SPAG9: variants seen among roughly 807,000 people sequenced by gnomAD.
SPAG9 encodes C-Jun-amino-terminal kinase-interacting protein 4.
Under a neutral mutation model 166.5 loss-of-function variants are expected in SPAG9, and 35 were observed. The observed-to-expected ratio is 0.21, with a 90% CI of 0.16 to 0.28. The LOEUF (loss-of-function observed/expected upper bound fraction) is 0.28. Among genes scored for constraint, SPAG9 ranks in the 10% least tolerant of loss-of-function variants. The pLI is 1.00. For missense variants in SPAG9, 1,235 were observed against 1,603.3 expected (o/e 0.77, Z 3.92); for synonymous variants, 534 against 565.5 (o/e 0.94, Z 0.79).
At chr17:51,037,638 TAAATA>T (rs1297151165) in intron 5 of SPAG9, among the ~76,000 whole-genome samples, 3 of 139,560 alleles carry the variant, frequency 2.1e-5, no homozygotes, top group Non-Finnish European at 1.5e-5. Context: ...ATTATATATA[TAAATA>T]AAATAAGTAA....
intron 1 of SPAG9, among the ~76,000 whole-genome samples, chr17:51,105,827 G>A (rs998789163): frequency 1.3e-5 from 2 of 151,546 alleles, no homozygotes; most frequent in Admixed American, 6.6e-5. Context: ...CCGAGATTGC[G>A]CCACTGCACT....
chr17:50,969,375 T>C (rs1313241380), intron 29 of SPAG9, among the ~76,000 whole-genome samples: 1 of 152,156 alleles, frequency 6.6e-6, no homozygotes, highest in African/African-American at 2.4e-5. Context: ...CTGAGCTCTA[T>C]GGCCCATTCT....
chr17:51,053,854 A>T lies in SPAG9; in HGVS notation c.495+2558T>A, dbSNP rs1219731564. On this transcript the variant is annotated intron_variant, in intron 3 of 29. Transcript: ENST00000262013. ...CCCTAATTAAAAAAAAAAAAAAAAA[A>T]GTATATATATATATATATATATATA... is the stretch of plus-strand genomic sequence containing the variant. 2.1e-3 allele frequency among the ~76,000 whole-genome samples: 73 copies of T among 34,442 alleles called. 2 individuals are homozygous for T. The highest frequency in any genetic ancestry group is 2.9e-3 in the Admixed American group (6 of 2,100). 22.6% of individuals were successfully genotyped at this position (34,442 alleles called of 152,430 possible).
chr17:50,968,661 G>A (rs1022256814), intron 29 of SPAG9, among the ~76,000 whole-genome samples: 9 of 152,094 alleles, frequency 5.9e-5, no homozygotes, highest in Non-Finnish European at 1.2e-4. Flanking sequence ...AAACCGGGAG[G>A]TGGAGGTTGC....
At chr17:51,117,179 C>T (rs569959325) in intron 1 of SPAG9, among the ~76,000 whole-genome samples, 3 of 152,216 alleles carry the variant, frequency 2.0e-5, no homozygotes, top group South Asian at 2.1e-4. Flanking sequence ...AAAATATGTC[C>T]TATCAATATA....
intron 6 of SPAG9, among the ~76,000 whole-genome samples, chr17:51,022,767 G>A (rs1303049004): frequency 6.6e-6 from 1 of 151,410 alleles, no homozygotes; most frequent in Non-Finnish European, 1.5e-5. Context: ...TGACAAACAT[G>A]GAGAAACCCT....
chr17:50,995,164 C>A lies in SPAG9; in HGVS notation c.2119G>T (p.Val707Phe), dbSNP rs1455464469. The A allele has an allele frequency of 3.1e-6, 5 of 1,614,002 alleles. No individual in the cohort carries two copies. In the African/African-American group the frequency reaches 5.3e-5, roughly 17 times the overall value. The change falls in exon 18 of 30, where the codon GTT becomes TTT. Residue 707 changes from valine to phenylalanine, a missense_variant. By Grantham distance (50) the Val-to-Phe change is conservative (BLOSUM62 -1). Around this residue, in one of 6 missense-constraint regions of SPAG9, gnomAD observed 493 missense variants for 559.4 expected, o/e 0.88. Transcript: ENST00000262013. Reference protein sequence around the residue: ...GGKTRDGGSVVGASVFYKDVA... With the variant: ...GGKTRDGGSVFGASVFYKDVA... Reference sequence around the variant, plus strand: ...TCCTTGTAAAATACACTTGCTCCAACAACAGAACCACCATCTCTGGTCTTC... The same window carrying A: ...TCCTTGTAAAATACACTTGCTCCAAAAACAGAACCACCATCTCTGGTCTTC...
intron 3 of SPAG9, among the ~76,000 whole-genome samples, chr17:51,049,118 C>A (rs1365465578): frequency 6.6e-6 from 1 of 152,118 alleles, no homozygotes; most frequent in African/African-American, 2.4e-5. Flanking sequence ...GTGGCTCACG[C>A]CTGTAATCCC....
chr17:50,995,581 A>T, intron 16 of SPAG9, 48 bp from the exon 17 acceptor site: 1 of 1,119,712 alleles, frequency 8.9e-7, no homozygotes, highest in Non-Finnish European at 1.4e-6. Context: ...AGTAAGCCTC[A>T]TCAAAAGTGA....
At chr17:50,997,167 T>C (rs895868665) in intron 15 of SPAG9, among the ~76,000 whole-genome samples, 25 of 152,134 alleles carry the variant, frequency 1.6e-4, no homozygotes, top group Non-Finnish European at 2.9e-4. Context: ...AACAAAGTGT[T>C]ATACTAAAGC....
intron 6 of SPAG9, among the ~76,000 whole-genome samples, chr17:51,022,631 CTAATAATAATAA>C (rs57083539): frequency 2.0e-5 from 3 of 148,228 alleles, no homozygotes; most frequent in Middle Eastern, 3.5e-3. Context: ...GCCACCACCA[CTAATAATAATAA>C]TAATAATAAT....
rs1339340982 is a variant in SPAG9 at position 51,061,693 on chromosome 17, A to C, written c.425-5211T>G. 3.3e-5 allele frequency among the ~76,000 whole-genome samples: 5 copies of C among 151,142 alleles called. No individual in the cohort carries two copies. In the East Asian group the frequency reaches 9.7e-4, roughly 29 times the overall value. ...ATACCATTAATTTTGGGAGATTTCC[A>C]ATATTTATCTAAATGAATATGACCA... On this transcript the variant is annotated intron_variant, in intron 2 of 29. Transcript: ENST00000262013.
chr17:51,109,780 C>T (rs745349014), intron 1 of SPAG9, among the ~76,000 whole-genome samples: 2 of 152,044 alleles, frequency 1.3e-5, no homozygotes, highest in Non-Finnish European at 2.9e-5. Context: ...GGCATGAACA[C>T]ATCTTACCTC....
At chr17:51,066,753 A>G (rs1039700821) in intron 2 of SPAG9, among the ~76,000 whole-genome samples, 2 of 151,214 alleles carry the variant, frequency 1.3e-5, no homozygotes, top group Non-Finnish European at 3.0e-5. Context: ...TTAGCCAGGC[A>G]TGGTGGCACA....
intron 2 of SPAG9, among the ~76,000 whole-genome samples, chr17:51,077,081 T>TCTAG (rs1230111197): frequency 1.2e-4 from 13 of 109,678 alleles, no homozygotes; most frequent in African/African-American, 5.4e-4. Flanking sequence ...TATCTAGCTA[T>TCTAG]CTAGCTAGCT....
intron 3 of SPAG9, among the ~76,000 whole-genome samples, chr17:51,052,177 G>C (rs923718279): frequency 2.0e-5 from 3 of 152,154 alleles, no homozygotes; most frequent in Non-Finnish European, 2.9e-5. Context: ...ACTATTAAAA[G>C]ACATTATCTT....
Position 50,966,024 on chromosome 17 carries a change from AG to A in SPAG9, c.*247del. The A allele has an allele frequency of 2.5e-6, 1 of 399,536 alleles. No individual in the cohort carries two copies. The allele number at this position is 399,536 out of a possible 1,614,324, so 24.7% of individuals were successfully genotyped here. ...TGCTTTCTATAATTCACCAGTTTGCAGGAAGTAAACATTCTTTGATTTGTTC... is the reference window on the plus strand; with the variant it reads ...TGCTTTCTATAATTCACCAGTTTGCAGAAGTAAACATTCTTTGATTTGTTC... On this transcript the variant is annotated 3_prime_UTR_variant, in exon 30 of 30. Coordinates refer to ENST00000262013, the MANE Select transcript of SPAG9 (RefSeq NM_001130528.3).
chr17:51,112,347 A>G (rs1194571147), intron 1 of SPAG9, among the ~76,000 whole-genome samples: 1 of 146,438 alleles, frequency 6.8e-6, no homozygotes, highest in East Asian at 2.0e-4. Flanking sequence ...AAGCCTGGGC[A>G]ACACAGTGTG....
chr17:51,024,214 C>T (rs764781476), intron 6 of SPAG9, among the ~76,000 whole-genome samples: 1 of 151,238 alleles, frequency 6.6e-6, no homozygotes, highest in Non-Finnish European at 1.5e-5. Context: ...GAGCTGAGAT[C>T]GCACCACCGC....
Sources: allele counts gnomAD v4.1 joint callset (sites outside exome capture counted in the v4.1 genomes callset), GRCh38; gene constraint gnomAD v4.1.1; regional missense constraint gnomAD v4.1.1; transcripts MANE v1.5; gene names NCBI Gene and HGNC (gene_info 2026-07-23, HGNC 2026-07-21).